Variants in RIGI observed in about 807,000 individuals in gnomAD.
The protein encoded by RIGI is antiviral innate immune response receptor RIG-I.
the RIGI span, among the ~76,000 whole-genome samples, chr9:32,493,470 A>G: frequency 2.0e-5 from 3 of 152,044 alleles, no homozygotes; most frequent in Admixed American, 1.3e-4. Context: ...CTAAAAATAC[A>G]AAAATTAGCT....
chr9:32,465,131 G>T, the RIGI span, among the ~76,000 whole-genome samples: 2 of 152,196 alleles, frequency 1.3e-5, no homozygotes, highest in African/African-American at 4.8e-5. Flanking sequence ...TGGAAAGGTG[G>T]CTCAGTGAAG....
the RIGI span, chr9:32,526,180 T>C: frequency 3.7e-6 from 6 of 1,605,910 alleles, no homozygotes; most frequent in South Asian, 6.6e-5. Context: ...GGCCTCTGCT[T>C]GCAGCTAGCT....
chr9:32,514,140 G>C, the RIGI span, among the ~76,000 whole-genome samples: 1 of 152,224 alleles, frequency 6.6e-6, no homozygotes, highest in African/African-American at 2.4e-5. Context: ...GTGTAAATTA[G>C]TTCAACCATT....
the RIGI span, among the ~76,000 whole-genome samples, chr9:32,491,960 T>C: frequency 6.6e-6 from 1 of 152,116 alleles, no homozygotes. Context: ...CAACCAATTC[T>C]TTCACCCGTC....
the RIGI span, among the ~76,000 whole-genome samples, chr9:32,516,852 G>C: frequency 6.6e-6 from 1 of 152,158 alleles, no homozygotes; most frequent in African/African-American, 2.4e-5. Flanking sequence ...TCTGTTTGCA[G>C]GTTAATAAAG....
At chr9:32,473,074 GA>G in the RIGI span, 2 of 1,584,682 alleles carry the variant, frequency 1.3e-6, no homozygotes, top group East Asian at 2.3e-5. Flanking sequence ...GCCTGAAAAT[GA>G]AAAGCAATTA....
the RIGI span, among the ~76,000 whole-genome samples, chr9:32,468,499 C>T: frequency 6.6e-6 from 1 of 152,092 alleles, no homozygotes; most frequent in Admixed American, 6.5e-5. Flanking sequence ...GAACCCATCT[C>T]TACAAAAAAT....
chr9:32,488,192 G>T, the RIGI span: 3 of 1,613,884 alleles, frequency 1.9e-6, no homozygotes, highest in Admixed American at 5.0e-5. Context: ...AGAAATGCCT[G>T]TAACTCTATA....
chr9:32,487,861 T>G, the RIGI span: 2 of 1,486,738 alleles, frequency 1.3e-6, no homozygotes, highest in African/African-American at 1.4e-5. Flanking sequence ...GAGAAGGACA[T>G]CTTCAGTGTG....
chr9:32,457,971 A>G, the RIGI span, among the ~76,000 whole-genome samples: 2 of 152,216 alleles, frequency 1.3e-5, no homozygotes, highest in East Asian at 1.9e-4. Flanking sequence ...TAGTAGAACA[A>G]TCACCCAAAT....
At chr9:32,474,529 C>G in the RIGI span, among the ~76,000 whole-genome samples, 1 of 152,082 alleles carries the variant, frequency 6.6e-6, no homozygotes, top group South Asian at 2.1e-4. Flanking sequence ...AATTAGACAC[C>G]CTCTATCTCA....
At chr9:32,495,659 CTT>C in the RIGI span, among the ~76,000 whole-genome samples, 16 of 120,734 alleles carry the variant, frequency 1.3e-4, no homozygotes, top group Non-Finnish European at 1.4e-4. Context: ...AGTCCTTTGC[CTT>C]TTTTTTTTTT....
chr9:32,525,368 C>T, the RIGI span, among the ~76,000 whole-genome samples: 2 of 152,204 alleles, frequency 1.3e-5, no homozygotes, highest in East Asian at 3.8e-4. Flanking sequence ...GCGTGAGGGA[C>T]CACGCCCGGC....
At chr9:32,508,589 C>G in the RIGI span, among the ~76,000 whole-genome samples, 3 of 152,080 alleles carry the variant, frequency 2.0e-5, no homozygotes, top group African/African-American at 7.2e-5. Flanking sequence ...CTTTTCCCCC[C>G]AAGTCTTCGC....
the RIGI span, chr9:32,473,195 G>A: frequency 6.4e-6 from 3 of 468,184 alleles, no homozygotes; most frequent in Non-Finnish European, 1.1e-5. Flanking sequence ...TGACAAACCT[G>A]AGAAAAAAAG....
chr9:32,517,382 G>GCACA, the RIGI span, among the ~76,000 whole-genome samples: 1 of 152,166 alleles, frequency 6.6e-6, no homozygotes, highest in Non-Finnish European at 1.5e-5. Context: ...GTGTATACAT[G>GCACA]TTTAGATGTG....
the RIGI span, among the ~76,000 whole-genome samples, chr9:32,470,339 T>G: frequency 6.6e-6 from 1 of 152,228 alleles, no homozygotes; most frequent in Non-Finnish European, 1.5e-5. Flanking sequence ...TAGTAAATAC[T>G]TTAGGCTCTG....
the RIGI span, among the ~76,000 whole-genome samples, chr9:32,463,310 A>G: frequency 5.9e-5 from 9 of 152,170 alleles, no homozygotes; most frequent in African/African-American, 2.2e-4. Context: ...TTTCCTTTGG[A>G]CAAATTTCTA....
At chr9:32,469,322 C>T in the RIGI span, among the ~76,000 whole-genome samples, 1 of 152,194 alleles carries the variant, frequency 6.6e-6, no homozygotes, top group South Asian at 2.1e-4. Flanking sequence ...ACAGCCTGTT[C>T]CTGGCTGCAG....
Sources: gnomAD v4.1 joint callset for allele counts (sites outside exome capture counted in the v4.1 genomes callset) on GRCh38, gnomAD v4.1.1 for gene constraint, MANE v1.5 for transcripts, NCBI Gene and HGNC (gene_info 2026-07-23, HGNC 2026-07-21) for gene names.